The following SGCZ variants were observed in gnomAD, a reference collection of about 807,000 sequenced individuals.
SGCZ encodes the protein zeta-sarcoglycan.
In SGCZ, 40 loss-of-function variants were observed where a neutral mutation model predicts 41.3. That is an observed-to-expected ratio of 0.97 (90% CI 0.75 to 1.26). The LOEUF is 1.26. SGCZ is among the 50% of genes most tolerant of loss of function. The probability of loss-of-function intolerance (pLI) is 0.00; values close to 1 mark genes in which losing one functional copy is unlikely to be tolerated. For synonymous variants in SGCZ, 206 were observed against 137.5 expected (o/e 1.50, Z -3.49); for missense variants, 552 against 369.8 (o/e 1.49, Z -4.04).
At chr8:14,529,953 T>C (rs1803074954) in intron 2 of SGCZ, among the ~76,000 whole-genome samples, 3 of 152,138 alleles carry the variant, frequency 2.0e-5, no homozygotes, top group Non-Finnish European at 4.4e-5. Flanking sequence ...AAAGAAAAAT[T>C]ACTTTATACA....
chr8:14,122,713 T>G (rs757652373), intron 5 of SGCZ, among the ~76,000 whole-genome samples: 1 of 152,194 alleles, frequency 6.6e-6, no homozygotes, highest in African/African-American at 2.4e-5. Context: ...AGCCATATTT[T>G]CAAGTTGTGG....
intron 1 of SGCZ, among the ~76,000 whole-genome samples, chr8:14,641,057 T>G (rs946456898): frequency 1.3e-5 from 2 of 151,664 alleles, no homozygotes; most frequent in African/African-American, 2.4e-5. Flanking sequence ...AGGTATACTC[T>G]GTTCCCATCT....
intron 4 of SGCZ, among the ~76,000 whole-genome samples, chr8:14,194,134 T>G (rs1805193700): frequency 6.6e-6 from 1 of 151,866 alleles, no homozygotes; most frequent in Admixed American, 6.6e-5. Context: ...TTATCCACAT[T>G]TATAAATAAT....
At chr8:14,919,987 G>A (rs915322284) in intron 1 of SGCZ, among the ~76,000 whole-genome samples, 3 of 152,016 alleles carry the variant, frequency 2.0e-5, no homozygotes, top group Non-Finnish European at 4.4e-5. Flanking sequence ...TTTTTACATC[G>A]TTGCATGCAG....
chr8:14,787,128 A>G (rs1800793944), intron 1 of SGCZ, among the ~76,000 whole-genome samples: 1 of 152,178 alleles, frequency 6.6e-6, no homozygotes, highest in South Asian at 2.1e-4. Flanking sequence ...ATGACACAGA[A>G]GCAACAGAAA....
At chr8:14,877,335 C>T (rs1378456426) in intron 1 of SGCZ, among the ~76,000 whole-genome samples, 2 of 152,124 alleles carry the variant, frequency 1.3e-5, no homozygotes, top group African/African-American at 4.8e-5. Flanking sequence ...TCATGTCTGA[C>T]ACCATTACGA....
In SGCZ at chr8:14,308,737, G is replaced by A. The variant is rs886599941; in HGVS notation, c.336+15366C>T. 5.9e-5 allele frequency among the ~76,000 whole-genome samples: 9 copies of A among 151,996 alleles called. No individual in the cohort carries two copies. The South Asian group carries it at 1.9e-3, about 32-fold the overall frequency. ...AATTTTTAACAAATTACTTATCTTT[G>A]TGCCGCGGTACCATGCCATTAATAA... On this transcript the variant is annotated intron_variant, in intron 3 of 7. Coordinates refer to ENST00000382080, the MANE Select transcript of SGCZ (RefSeq NM_139167.4).
At chr8:15,033,794 G>A (rs907731019) in intron 1 of SGCZ, among the ~76,000 whole-genome samples, 2 of 152,014 alleles carry the variant, frequency 1.3e-5, no homozygotes, top group Admixed American at 1.3e-4. Context: ...CAAGCTTCAG[G>A]CCCATCTGTA....
intron 1 of SGCZ, among the ~76,000 whole-genome samples, chr8:14,871,875 T>C (rs911460525): frequency 1.3e-5 from 2 of 149,330 alleles, no homozygotes; most frequent in African/African-American, 2.5e-5. Flanking sequence ...TATATATGTA[T>C]GTATATATGT....
chr8:14,228,261 C>A (rs964503809), intron 4 of SGCZ, among the ~76,000 whole-genome samples: 1 of 152,008 alleles, frequency 6.6e-6, no homozygotes, highest in Non-Finnish European at 1.5e-5. Context: ...ACAAAGGAAG[C>A]CTCATTAAAA....
At chr8:15,196,026 T>C (rs1459025775) in intron 1 of SGCZ, among the ~76,000 whole-genome samples, 1 of 145,140 alleles carries the variant, frequency 6.9e-6, no homozygotes, top group Non-Finnish European at 1.5e-5. Flanking sequence ...GCCTCCCGAG[T>C]AGCTGGGACT....
At chr8:14,173,424 G>A (rs1219438965) in intron 4 of SGCZ, among the ~76,000 whole-genome samples, 1 of 150,928 alleles carries the variant, frequency 6.6e-6, no homozygotes, top group Non-Finnish European at 1.5e-5. Context: ...GAAAAAAGAA[G>A]GAAAATGAAA....
chr8:14,927,015 C>T (rs1799775976), intron 1 of SGCZ, among the ~76,000 whole-genome samples: 1 of 151,192 alleles, frequency 6.6e-6, no homozygotes. Flanking sequence ...CCTATGGACA[C>T]AGTATATAGT....
chr8:14,342,944 G>C (rs1802761961), intron 2 of SGCZ, among the ~76,000 whole-genome samples: 1 of 152,080 alleles, frequency 6.6e-6, no homozygotes, highest in Admixed American at 6.5e-5. Context: ...CAGGGTCCCT[G>C]GGCTGTGTGT....
At chr8:14,234,111 A>C (rs560113602) in intron 4 of SGCZ, among the ~76,000 whole-genome samples, 22 of 152,202 alleles carry the variant, frequency 1.4e-4, no homozygotes, top group African/African-American at 5.3e-4. Flanking sequence ...AACTTCATCA[A>C]TTCACAGAAA....
chr8:14,377,321 T>A (rs1332289388), intron 2 of SGCZ, among the ~76,000 whole-genome samples: 6 of 152,032 alleles, frequency 3.9e-5, no homozygotes, highest in African/African-American at 1.4e-4. Flanking sequence ...GTGGTGTGCA[T>A]GCAGAGGTAC....
intron 1 of SGCZ, among the ~76,000 whole-genome samples, chr8:15,078,224 A>G (rs1805615275): frequency 7.8e-6 from 1 of 128,816 alleles, no homozygotes; most frequent in Admixed American, 9.3e-5. Flanking sequence ...CCTGTGCCTA[A>G]TTTTTCCTGG....
At chr8:14,521,381 G>C (rs1802783535) in intron 2 of SGCZ, among the ~76,000 whole-genome samples, 1 of 151,934 alleles carries the variant, frequency 6.6e-6, no homozygotes, top group African/African-American at 2.4e-5. Flanking sequence ...TGTGTGTATT[G>C]ATAGTAATCT....
intron 1 of SGCZ, among the ~76,000 whole-genome samples, chr8:14,936,369 T>C (rs1800083086): frequency 6.6e-6 from 1 of 151,908 alleles, no homozygotes; most frequent in Non-Finnish European, 1.5e-5. Flanking sequence ...TCAGAATACT[T>C]TGCTCACGGT....
Sources: gnomAD v4.1 joint callset for allele counts (sites outside exome capture counted in the v4.1 genomes callset) on GRCh38, gnomAD v4.1.1 for gene constraint, MANE v1.5 for transcripts, NCBI Gene and HGNC (gene_info 2026-07-23, HGNC 2026-07-21) for gene names.